The following CFAP299 variants were observed in gnomAD, a reference collection of about 807,000 sequenced individuals.
The protein encoded by CFAP299 is cilia- and flagella-associated protein 299.
CFAP299 carries 21 observed loss-of-function variants against 27.0 expected under a neutral mutation model. The ratio of observed to expected loss-of-function variants is 0.78; its 90% CI spans 0.55 to 1.12. The LOEUF is 1.12. Among genes scored for constraint, CFAP299 ranks in the 50% most tolerant of loss-of-function variants. The probability of loss-of-function intolerance (pLI) is 0.00; values close to 1 mark genes in which losing one functional copy is unlikely to be tolerated. For synonymous variants in CFAP299, 104 were observed against 98.1 expected (o/e 1.06, Z -0.36); for missense variants, 310 against 276.6 (o/e 1.12, Z -0.86).
chr4:80,495,025 T>C (rs1224519914), intron 2 of CFAP299, among the ~76,000 whole-genome samples: 2 of 152,202 alleles, frequency 1.3e-5, no homozygotes, highest in Non-Finnish European at 2.9e-5. Context: ...TTTTCCAACA[T>C]AGCCTAAGAA....
chr4:80,888,912 T>C (rs1407372017), intron 4 of CFAP299, among the ~76,000 whole-genome samples: 2 of 150,504 alleles, frequency 1.3e-5, no homozygotes, highest in Non-Finnish European at 3.0e-5. Context: ...GTTGAAAATT[T>C]TCTTGAAACA....
intron 2 of CFAP299, among the ~76,000 whole-genome samples, chr4:80,485,860 A>G (rs1401445651): frequency 6.6e-6 from 1 of 152,200 alleles, no homozygotes; most frequent in Non-Finnish European, 1.5e-5. Flanking sequence ...GCTCTCTGCT[A>G]CAATGCCTTA....
chr4:80,689,615 T>C (rs1249625213), intron 3 of CFAP299, among the ~76,000 whole-genome samples: 1 of 152,148 alleles, frequency 6.6e-6, no homozygotes, highest in Non-Finnish European at 1.5e-5. Flanking sequence ...TCATTGAGAC[T>C]AGGCAGAAAC....
intron 3 of CFAP299, among the ~76,000 whole-genome samples, chr4:80,647,779 A>G (rs1740099144): frequency 6.6e-6 from 1 of 152,232 alleles, no homozygotes; most frequent in Non-Finnish European, 1.5e-5. Context: ...GAGAGCAAAA[A>G]GAAATGTTTC....
In CFAP299 at chr4:80,870,180, A is replaced by G. The variant is rs770989402; in HGVS notation, c.476+45A>G. ...TGCACCCTTAGAGGCAGGGACAAAG[A>G]CTTTTTATTTTATGGTCTACATTGT... On this transcript the variant is annotated intron_variant, in intron 4 of 5. Transcript: ENST00000358105. 5 of 1,548,944 alleles carry G rather than the reference A, an allele frequency of 3.2e-6. No homozygotes were observed. The East Asian group carries it at 6.8e-5, about 21-fold the overall frequency.
chr4:80,391,920 C>G (rs139534254), intron 2 of CFAP299, among the ~76,000 whole-genome samples: 5 of 152,280 alleles, frequency 3.3e-5, no homozygotes, highest in African/African-American at 1.2e-4. Context: ...TGGAGCTGCC[C>G]AAGTCCATGG....
intron 5 of CFAP299, among the ~76,000 whole-genome samples, chr4:80,959,232 C>A (rs1248934563): frequency 6.6e-6 from 1 of 151,006 alleles, no homozygotes; most frequent in African/African-American, 2.4e-5. Flanking sequence ...GAGGAAGAAG[C>A]CTTGAGATAG....
chr4:80,365,690 C>A (rs771759132), intron 2 of CFAP299, among the ~76,000 whole-genome samples: 15 of 152,140 alleles, frequency 9.9e-5, no homozygotes, highest in Non-Finnish European at 1.9e-4. Context: ...GAGAATCAGT[C>A]AATGTCTATC....
chr4:80,641,124 A>G (rs1347973340), intron 3 of CFAP299, among the ~76,000 whole-genome samples: 1 of 152,224 alleles, frequency 6.6e-6, no homozygotes, highest in South Asian at 2.1e-4. Context: ...ATATGCAGAT[A>G]CAACATTATA....
intron 2 of CFAP299, among the ~76,000 whole-genome samples, chr4:80,414,666 A>T (rs963662783): frequency 6.6e-6 from 1 of 152,188 alleles, no homozygotes. Context: ...TGCTACGGCT[A>T]AAGTATTGTC....
intron 3 of CFAP299, among the ~76,000 whole-genome samples, chr4:80,847,082 C>T (rs1731224660): frequency 6.6e-6 from 1 of 152,146 alleles, no homozygotes; most frequent in African/African-American, 2.4e-5. Flanking sequence ...CTGCCTGCCA[C>T]CCACAAGCAT....
intron 3 of CFAP299, among the ~76,000 whole-genome samples, chr4:80,687,292 C>A (rs1038841422): frequency 3.9e-5 from 6 of 152,206 alleles, no homozygotes; most frequent in African/African-American, 1.4e-4. Flanking sequence ...CACTCGTGAT[C>A]TCCTCAGCCT....
At chr4:80,691,754 G>T (rs1252802308) in intron 3 of CFAP299, among the ~76,000 whole-genome samples, 1 of 152,130 alleles carries the variant, frequency 6.6e-6, no homozygotes, top group Non-Finnish European at 1.5e-5. Context: ...AAGTCAAATT[G>T]TCCCTGTTTG....
At chr4:80,939,931 G>A (rs531208395) in intron 4 of CFAP299, among the ~76,000 whole-genome samples, 2 of 152,228 alleles carry the variant, frequency 1.3e-5, no homozygotes, top group South Asian at 4.1e-4. Context: ...GTCAAGCCAG[G>A]TGTTGAGAGC....
intron 3 of CFAP299, 122 bp from the exon 4 acceptor site, chr4:80,869,871 T>C (rs1230843775): frequency 2.1e-6 from 2 of 934,282 alleles, no homozygotes; most frequent in Non-Finnish European, 3.1e-6. Flanking sequence ...ATAACCACTC[T>C]TTCAGAAGCC....
chr4:80,838,071 C>G (rs1372601458), intron 3 of CFAP299, among the ~76,000 whole-genome samples: 1 of 152,032 alleles, frequency 6.6e-6, no homozygotes, highest in African/African-American at 2.4e-5. Context: ...TAAATGTCTT[C>G]TCTTGAGAAG....
rs1354332528 is a variant in CFAP299, at chr4:80,870,276, TTAAAA to T, written c.476+145_476+149del. 24 of 1,290,640 alleles carry T rather than the reference TTAAAA, an allele frequency of 1.9e-5. No homozygotes were observed. In the East Asian group the frequency reaches 6.3e-4, roughly 34 times the overall value. 79.9% of individuals were successfully genotyped at this position (1,290,640 alleles called of 1,614,324 possible). A position where few individuals can be genotyped will look rare whatever the true frequency, so the allele number is the denominator to read the frequency against. On this transcript the variant is annotated intron_variant, in intron 4 of 5. Coordinates refer to ENST00000358105, the MANE Select transcript of CFAP299 (RefSeq NM_152770.3). Reference sequence around the variant, plus strand: ...TTATTAATATGAAAATAACTAAATCTTAAAATAAGGAATAAGCATAGATGCATTGT... The same window carrying T: ...TTATTAATATGAAAATAACTAAATCTTAAGGAATAAGCATAGATGCATTGT...
chr4:80,827,091 A>C (rs1042699482), intron 3 of CFAP299, among the ~76,000 whole-genome samples: 1 of 151,838 alleles, frequency 6.6e-6, no homozygotes, highest in Non-Finnish European at 1.5e-5. Context: ...CAAATTAACA[A>C]CCCAACATTA....
intron 2 of CFAP299, among the ~76,000 whole-genome samples, chr4:80,363,772 A>G (rs1723669840): frequency 6.6e-6 from 1 of 152,104 alleles, no homozygotes; most frequent in Non-Finnish European, 1.5e-5. Flanking sequence ...ATAACACGTT[A>G]TTACAAATTT....
Sources: allele counts gnomAD v4.1 joint callset (sites outside exome capture counted in the v4.1 genomes callset), GRCh38; gene constraint gnomAD v4.1.1; transcripts MANE v1.5; gene names NCBI Gene and HGNC (gene_info 2026-07-23, HGNC 2026-07-21).